The following LAMC1 variants were observed in gnomAD, a reference collection of about 807,000 sequenced individuals.
LAMC1 encodes the protein laminin subunit gamma 1.
Under a neutral mutation model 173.6 loss-of-function variants are expected in LAMC1, and 38 were observed. The ratio of observed to expected loss-of-function variants is 0.22; its 90% CI spans 0.17 to 0.29. LAMC1 has a LOEUF of 0.29. Among genes scored for constraint, LAMC1 ranks in the 10% least tolerant of loss-of-function variants. LAMC1 has a pLI of 1.00. For synonymous variants in LAMC1, 746 were observed against 749.1 expected, an observed-to-expected ratio of 1.00 and a Z score of 0.07; for missense variants, 1,824 against 2,051.8, an observed-to-expected ratio of 0.89 and a Z score of 2.14.
chr1:183,112,958 A>G (rs1349498520), intron 4 of LAMC1, among the ~76,000 whole-genome samples: 1 of 152,122 alleles, frequency 6.6e-6, no homozygotes, highest in African/African-American at 2.4e-5. Context: ...CCAAGGTGGG[A>G]GACTCATTTG....
At chr1:183,074,939 C>T (rs1027363143) in intron 1 of LAMC1, among the ~76,000 whole-genome samples, 4 of 151,984 alleles carry the variant, frequency 2.6e-5, no homozygotes, top group African/African-American at 9.7e-5. Flanking sequence ...TTACTTCCTC[C>T]CAAATTCAGA....
intron 1 of LAMC1, among the ~76,000 whole-genome samples, chr1:183,064,262 T>C (rs1211786634): frequency 6.6e-6 from 1 of 152,182 alleles, no homozygotes; most frequent in Non-Finnish European, 1.5e-5. Flanking sequence ...TTTGTCATTG[T>C]GTGAATGTCA....
chr1:183,125,819 G>T (rs937493202), intron 15 of LAMC1, among the ~76,000 whole-genome samples: 2 of 152,154 alleles, frequency 1.3e-5, no homozygotes, highest in Non-Finnish European at 2.9e-5. Flanking sequence ...CTTAGAATCA[G>T]ACCCTTCAGG....
At chr1:183,141,329 A>C (rs1558062961) in intron 27 of LAMC1, 1 of 152,232 alleles carries the variant, frequency 6.6e-6, no homozygotes, top group Admixed American at 6.5e-5. Flanking sequence ...ACGAAAAAGA[A>C]CACTTAAAAC....
At chr1:183,025,295 TTATG>T (rs1225854725) in intron 1 of LAMC1, among the ~76,000 whole-genome samples, 8 of 151,946 alleles carry the variant, frequency 5.3e-5, no homozygotes, top group East Asian at 1.9e-4. Context: ...ACACTAAACT[TTATG>T]TAAGTATCAG....
At chr1:183,031,595 C>T (rs1352081948) in intron 1 of LAMC1, among the ~76,000 whole-genome samples, 1 of 152,172 alleles carries the variant, frequency 6.6e-6, no homozygotes, top group African/African-American at 2.4e-5. Flanking sequence ...TGAGCCACCA[C>T]ACCCGGCCCT....
rs778361767 is a variant in LAMC1, at chr1:183,110,528, G to A, written c.895G>A (p.Glu299Lys). 13 of 1,613,548 alleles carry A rather than the reference G, an allele frequency of 8.1e-6. No homozygotes were observed. Among genetic ancestry groups the A allele is most frequent in the African/African-American group, 6.7e-5 (5 of 74,900 alleles). The change falls in exon 4 of 28, where the codon GAA becomes AAA. Residue 299 changes from glutamate to lysine, a missense_variant. Glu to Lys is a moderately conservative substitution (Grantham distance 56). Transcript: ENST00000258341. ...NGHASECMKNEFDKLVCNCKH... is the reference protein window; with the variant it reads ...NGHASECMKNKFDKLVCNCKH... ...ACACGCAAGCGAGTGTATGAAGAAC[G>A]AATTTGATAAGCTGGTGTGTAATTG...
intron 1 of LAMC1, among the ~76,000 whole-genome samples, chr1:183,040,553 G>C (rs1654102695): frequency 6.6e-6 from 1 of 152,096 alleles, no homozygotes; most frequent in South Asian, 2.1e-4. Flanking sequence ...TAAAATAGAA[G>C]TGGAGGGAAA....
At chr1:183,027,770 T>C (rs1370148760) in intron 1 of LAMC1, among the ~76,000 whole-genome samples, 1 of 152,238 alleles carries the variant, frequency 6.6e-6, no homozygotes, top group African/African-American at 2.4e-5. Context: ...TTATTCTCTT[T>C]GGTCCTCTGC....
intron 13 of LAMC1, among the ~76,000 whole-genome samples, chr1:183,123,718 T>A (rs1246931831): frequency 6.6e-6 from 1 of 152,242 alleles, no homozygotes; most frequent in Non-Finnish European, 1.5e-5. Context: ...TGTTTATTTG[T>A]ATGTCTGTGT....
intron 23 of LAMC1, 30 bp downstream of exon 23, chr1:183,134,839 C>G (rs1214842103): frequency 6.2e-7 from 1 of 1,605,090 alleles, no homozygotes; most frequent in Non-Finnish European, 8.5e-7. Flanking sequence ...CGCTTCATTT[C>G]TTGAGGCAAC....
chr1:183,038,163 G>A (rs1489244395), intron 1 of LAMC1, among the ~76,000 whole-genome samples: 1 of 151,792 alleles, frequency 6.6e-6, no homozygotes, highest in Non-Finnish European at 1.5e-5. Flanking sequence ...AGCCTCCTGA[G>A]TAGCTGGGAC....
chr1:183,133,473 A>G lies in LAMC1; in HGVS notation c.3772A>G (p.Lys1258Glu). 6.2e-7 allele frequency: 1 copy of G among 1,614,018 alleles called. No individual in the cohort carries two copies. Among genetic ancestry groups the G allele is most frequent in the East Asian group, 2.2e-5 (1 of 44,878 alleles). ...KQAARVHEEA[K>E]RAGDKAVEIY... ...AGCTGCCCGAGTACATGAGGAGGCCAAAAGGGCCGGTGACAAAGCTGTGGA... is the reference window on the plus strand; with the variant it reads ...AGCTGCCCGAGTACATGAGGAGGCCGAAAGGGCCGGTGACAAAGCTGTGGA... The change falls in exon 22 of 28, where the codon AAA (lysine) becomes GAA (glutamate). Residue 1258 changes from lysine to glutamate, a missense_variant. Transcript: ENST00000258341.
chr1:183,088,757 A>T (rs575175292), intron 1 of LAMC1, among the ~76,000 whole-genome samples: 40 of 152,338 alleles, frequency 2.6e-4, no homozygotes, highest in Non-Finnish European at 4.1e-4. Context: ...GATATGGTGG[A>T]ACTTGAACCA....
chr1:183,057,082 G>A (rs1654616149), intron 1 of LAMC1, among the ~76,000 whole-genome samples: 1 of 152,196 alleles, frequency 6.6e-6, no homozygotes, highest in African/African-American at 2.4e-5. Flanking sequence ...TTAAAAAGCT[G>A]TAAGGATAAG....
chr1:183,068,898 C>G (rs12040114), intron 1 of LAMC1, among the ~76,000 whole-genome samples: 1 of 151,828 alleles, frequency 6.6e-6, no homozygotes, highest in Non-Finnish European at 1.5e-5. Context: ...GCCGAGATCG[C>G]GCCACTGCAC....
At chr1:183,093,507 C>T (rs12567842) in intron 1 of LAMC1, among the ~76,000 whole-genome samples, 15,099 of 152,108 alleles carry the variant, frequency 0.099, 989 homozygotes, top group Admixed American at 0.19. Flanking sequence ...TGGTATGTCC[C>T]GAGACCCAGT....
In LAMC1 at chr1:183,093,752, C is replaced by A. The variant is rs1655623866; in HGVS notation, c.419-9576C>A. On this transcript the variant is annotated intron_variant, in intron 1 of 27. Coordinates refer to ENST00000258341, the MANE Select transcript of LAMC1 (RefSeq NM_002293.4). Reference sequence around the variant, plus strand: ...GAACTCCCAGTTTCTTACTCTCCATCCCCCCATGGCTGCTTCATCATTCCA... The same window carrying A: ...GAACTCCCAGTTTCTTACTCTCCATACCCCCATGGCTGCTTCATCATTCCA... Among the ~76,000 whole-genome samples the A allele has an allele frequency of 3.3e-5, 5 of 152,148 alleles. 1 individual carries two copies. In the South Asian group the frequency reaches 1.0e-3, roughly 32 times the overall value.
At chr1:183,115,681 A>G (rs772725881) in intron 6 of LAMC1, 44 bp downstream of exon 6, 4 of 1,218,274 alleles carry the variant, frequency 3.3e-6, no homozygotes, top group South Asian at 2.4e-5. Flanking sequence ...GAATCTATAT[A>G]TAGTCAACAC....
Sources: allele counts gnomAD v4.1 joint callset (sites outside exome capture counted in the v4.1 genomes callset), GRCh38; gene constraint gnomAD v4.1.1; transcripts MANE v1.5; gene names NCBI Gene and HGNC (gene_info 2026-07-23, HGNC 2026-07-21).